Variants in ACIN1 observed in about 807,000 individuals in gnomAD.
The protein encoded by ACIN1 is apoptotic chromatin condensation inducer 1.
Under a neutral mutation model 146.6 loss-of-function variants are expected in ACIN1, and 16 were observed. The observed-to-expected ratio is 0.11, with a 90% CI of 0.07 to 0.17. The LOEUF (loss-of-function observed/expected upper bound fraction) is 0.17, where lower values mean the gene tolerates loss of function less well. Ranked by LOEUF, ACIN1 falls within the 10% of genes least tolerant of loss-of-function variation. The pLI is 1.00. For missense variants in ACIN1, 1,357 were observed against 1,609.3 expected, an observed-to-expected ratio of 0.84 and a Z score of 2.68; for synonymous variants, 569 against 582.7, an observed-to-expected ratio of 0.98 and a Z score of 0.34.
In ACIN1 at chr14:23,094,981, G is replaced by A. The variant is rs758311318; in HGVS notation, c.132C>T (p.Leu44=). ...AGCAACGCCGACTCCTCACCCCTTT[G>A]AGCCGCTTGACCAGGGCACTCTTCT... ...SGQKSALVKR[L]KGALMLENLQ... Residue 44 remains leucine, a synonymous_variant, in exon 1 of 19, where the codon CTC becomes CTT. Coordinates refer to ENST00000605057, the MANE Select transcript of ACIN1 (RefSeq NM_001386863.1). 10 of 1,600,382 alleles carry A rather than the reference G, an allele frequency of 6.2e-6. No individual in the cohort carries two copies. The East Asian group carries it at 2.2e-4, about 36-fold the overall frequency.
At chr14:23,070,793 C>T (rs2047616809) in intron 8 of ACIN1, among the ~76,000 whole-genome samples, 1 of 152,112 alleles carries the variant, frequency 6.6e-6, no homozygotes, top group South Asian at 2.1e-4. Flanking sequence ...TCAGAAGAAC[C>T]TCCCTAGAGC....
intron 3 of ACIN1, 135 bp from the exon 4 acceptor site, chr14:23,090,236 A>C: frequency 8.1e-7 from 1 of 1,237,060 alleles, no homozygotes; most frequent in African/African-American, 1.5e-5. Context: ...GTATAAAAAG[A>C]AAAAACTCCC....
intron 8 of ACIN1, chr14:23,071,278 C>G (rs2140084919): frequency 6.7e-7 from 1 of 1,501,216 alleles, no homozygotes; most frequent in East Asian, 2.5e-5. Context: ...AAGATCCCAC[C>G]ACCTCCTCCC....
At chr14:23,075,709 A>AT (rs763083144) in intron 8 of ACIN1, among the ~76,000 whole-genome samples, 17,516 of 144,708 alleles carry the variant, frequency 0.12, 1,280 homozygotes, top group South Asian at 0.22. Context: ...GGTCTTTTCC[A>AT]TTTTTTTTTT....
chr14:23,061,036 T>G, intron 18 of ACIN1, 48 bp downstream of exon 18: 1 of 1,573,902 alleles, frequency 6.4e-7, no homozygotes, highest in Non-Finnish European at 8.7e-7. Flanking sequence ...CACCCTGACC[T>G]CAAGCCTCAG....
intron 8 of ACIN1, among the ~76,000 whole-genome samples, chr14:23,072,781 ATTACT>A (rs2047697170): frequency 6.6e-6 from 1 of 152,248 alleles, no homozygotes; most frequent in Admixed American, 6.5e-5. Flanking sequence ...ATATTTATAC[ATTACT>A]TTAAATGTTT....
chr14:23,061,266 TG>T (rs2139990292), intron 17 of ACIN1, 31 bp downstream of exon 17: 1 of 1,613,652 alleles, frequency 6.2e-7, no homozygotes, highest in Non-Finnish European at 8.5e-7. Context: ...CACCTACTAG[TG>T]GGTATGCGTA....
chr14:23,065,864 G>A (rs1594748947), intron 10 of ACIN1, 102 bp downstream of exon 10: 3 of 1,059,852 alleles, frequency 2.8e-6, no homozygotes, highest in Admixed American at 1.8e-5. Flanking sequence ...GGGCAGGAGG[G>A]AGTGACCCAA....
At position 23,067,931 on chromosome 14, in the gene ACIN1, G is replaced by T; in HGVS notation, c.2265+1545C>A. Reference sequence around the variant, plus strand: ...AGCAAGGTCAGAATACTTCTCTTCGGAGAGTTGTGGCTGGCATCTCCTCAG... The same window carrying T: ...AGCAAGGTCAGAATACTTCTCTTCGTAGAGTTGTGGCTGGCATCTCCTCAG... On this transcript the variant is annotated intron_variant, in intron 9 of 18. Coordinates refer to ENST00000605057, the MANE Select transcript of ACIN1 (RefSeq NM_001386863.1). This position sits in a 1 kb window ranked among gnomAD's most constrained non-coding sequence, Gnocchi z 4.6. 2.0e-6 allele frequency: 2 copies of T among 985,880 alleles called. No homozygotes were observed. Among genetic ancestry groups the T allele is most frequent in the Non-Finnish European group, 2.4e-6 (2 of 829,950 alleles). The allele number at this position is 985,880 out of a possible 1,614,324, so 61.1% of individuals were successfully genotyped here.
intron 4 of ACIN1, among the ~76,000 whole-genome samples, chr14:23,084,016 G>A (rs906798348): frequency 2.0e-5 from 3 of 151,480 alleles, no homozygotes; most frequent in Non-Finnish European, 4.4e-5. Context: ...GCACGATTTC[G>A]GTTCACTGCA....
chr14:23,090,454 G>C, intron 3 of ACIN1, 68 bp downstream of exon 3: 1 of 1,355,518 alleles, frequency 7.4e-7, no homozygotes, highest in Admixed American at 1.8e-5. Context: ...TAGTTAGACA[G>C]GCCTATCTAC....
At chr14:23,066,125 G>C in intron 9 of ACIN1, 117 bp from the exon 10 acceptor site, 2 of 766,700 alleles carry the variant, frequency 2.6e-6, no homozygotes, top group East Asian at 2.6e-5. Flanking sequence ...GATAGAGTGA[G>C]AGAGAGAGAC....
intron 8 of ACIN1, chr14:23,076,380 T>C (rs2047802884): frequency 6.6e-6 from 1 of 152,152 alleles, no homozygotes; most frequent in South Asian, 2.1e-4. Context: ...ATCTAAGTAT[T>C]TGCCCAAGAT....
chr14:23,061,648 A>G, intron 16 of ACIN1, 26 bp from the exon 17 acceptor site: 9 of 1,502,358 alleles, frequency 6.0e-6, no homozygotes, highest in Non-Finnish European at 8.0e-6. Context: ...GGACAAGGAC[A>G]GTTAGGATAG....
chr14:23,082,943 T>C (rs1351824210), intron 4 of ACIN1, among the ~76,000 whole-genome samples: 7 of 151,660 alleles, frequency 4.6e-5, no homozygotes, highest in Non-Finnish European at 1.0e-4. Flanking sequence ...TTTCATCATG[T>C]TGCCTAGGCT....
intron 12 of ACIN1, 110 bp downstream of exon 12, chr14:23,063,995 C>G (rs74998426): frequency 0.09 from 130,865 of 1,460,230 alleles, 6,590 homozygotes; most frequent in South Asian, 0.16. Context: ...ACCCAACCCT[C>G]TGCACAGACA....
chr14:23,065,316 G>A (rs1393043633), intron 10 of ACIN1, among the ~76,000 whole-genome samples: 1 of 152,202 alleles, frequency 6.6e-6, no homozygotes, highest in East Asian at 1.9e-4. Context: ...GGTCAGGCAC[G>A]ATGGCTCACG....
chr14:23,077,492 T>C (rs1270822288), intron 8 of ACIN1, among the ~76,000 whole-genome samples: 1 of 152,212 alleles, frequency 6.6e-6, no homozygotes, highest in Non-Finnish European at 1.5e-5. Flanking sequence ...ATGAATGACA[T>C]ACCTATTTAA....
In ACIN1 at chr14:23,068,506, A is replaced by T; in HGVS notation, c.2265+970T>A. 1.0e-6 allele frequency: 1 copy of T among 985,920 alleles called. No homozygotes were observed. Among genetic ancestry groups the T allele is most frequent in the Non-Finnish European group, 1.2e-6 (1 of 829,966 alleles). The allele number at this position is 985,920 out of a possible 1,614,324, so 61.1% of individuals were successfully genotyped here. On this transcript the variant is annotated intron_variant, in intron 9 of 18. Transcript: ENST00000605057. This position sits in a 1 kb window ranked among gnomAD's most constrained non-coding sequence, Gnocchi z 4.3. ...AGGGAGGCAAAAGGGGGCCCATCAC[A>T]GGAGCCCATATACATGCCCCCCTCT...
Sources: allele counts gnomAD v4.1 joint callset (sites outside exome capture counted in the v4.1 genomes callset), GRCh38; gene constraint gnomAD v4.1.1; non-coding constraint Gnocchi (gnomAD v3.1); transcripts MANE v1.5; gene names NCBI Gene and HGNC (gene_info 2026-07-23, HGNC 2026-07-21).